ANKRD17: variants seen among roughly 807,000 people sequenced by gnomAD.
ANKRD17 encodes ankyrin repeat domain-containing protein 17.
ANKRD17 carries 19 observed loss-of-function variants against 229.7 expected under a neutral mutation model. The ratio of observed to expected loss-of-function variants is 0.08; its 90% CI spans 0.06 to 0.12. ANKRD17 has a LOEUF of 0.12. Ranked by LOEUF, ANKRD17 falls within the 10% of genes least tolerant of loss-of-function variation. ANKRD17 has a pLI of 1.00. For missense variants in ANKRD17, 2,176 were observed against 3,176.8 expected, an observed-to-expected ratio of 0.68 and a Z score of 7.57; for synonymous variants, 1,112 against 1,146.1, an observed-to-expected ratio of 0.97 and a Z score of 0.60.
intron 16 of ANKRD17, among the ~76,000 whole-genome samples, chr4:73,128,832 C>G (rs977919619): frequency 6.6e-6 from 1 of 152,010 alleles, no homozygotes; most frequent in Non-Finnish European, 1.5e-5. Flanking sequence ...ACTAACATGA[C>G]AGAAATATCA....
In ANKRD17 at chr4:73,098,416, T is replaced by G; in HGVS notation, c.4678A>C (p.Asn1560His). The G allele has an allele frequency of 6.2e-7, 1 of 1,614,166 alleles. No individual in the cohort carries two copies. The highest frequency in any genetic ancestry group is 8.5e-7 in the Non-Finnish European group (1 of 1,179,984). Residue 1560 changes from asparagine (N) to histidine (H), a missense_variant, in exon 26 of 34, where the codon AAT (asparagine) becomes CAT (histidine). Transcript: ENST00000358602. Reference sequence around the variant, plus strand: ...TTTGAACTGGTTGTAGTTATGGTATTATTTCTTTTACCATGAGAACCTGCC... The same window carrying G: ...TTTGAACTGGTTGTAGTTATGGTATGATTTCTTTTACCATGAGAACCTGCC... ...TLAGSHGKRN[N>H]TITTTSSKRK...
At position 73,258,392 on chromosome 4, in the gene ANKRD17, C is replaced by T. The variant is rs1166122430; in HGVS notation, c.277G>A (p.Asp93Asn). ...PSSSESSSDS[D>N]NSGGGGGGGG... Reference sequence around the variant, plus strand: ...CCGCCTCCACCGCCGCCGCTGTTGTCGCTGTCGCTGCTGCTTTCGCTGCTG... The same window carrying T: ...CCGCCTCCACCGCCGCCGCTGTTGTTGCTGTCGCTGCTGCTTTCGCTGCTG... Residue 93 changes from aspartate (D) to asparagine (N), a missense_variant, in exon 1 of 34, where the codon GAC (aspartate) becomes AAC (asparagine). Transcript: ENST00000358602. 1 of 1,610,440 alleles carries T rather than the reference C, an allele frequency of 6.2e-7. No individual in the cohort carries two copies. Among genetic ancestry groups the T allele is most frequent in the Non-Finnish European group, 8.5e-7 (1 of 1,179,302 alleles).
chr4:73,153,594 T>C (rs569588104), intron 6 of ANKRD17, among the ~76,000 whole-genome samples: 180 of 152,314 alleles, frequency 1.2e-3, no homozygotes, highest in Non-Finnish European at 2.1e-3. Flanking sequence ...AAGCAAAATC[T>C]TCCCAACATG....
chr4:73,156,082 G>A lies in ANKRD17; in HGVS notation c.789C>T (p.His263=), dbSNP rs140529074. The change falls in exon 4 of 34, where the codon CAC becomes CAT. Residue 263 remains histidine (H), a synonymous_variant. Coordinates refer to ENST00000358602, the MANE Select transcript of ANKRD17 (RefSeq NM_032217.5). ...AAAGGAGGCTCTCCCCTTCCTCTGT[G>A]TGTTCATTTACACTTCGCCCTTCAA... ...LLIEGRSVNE[H]TEEGESLLCL... 7.4e-6 allele frequency: 12 copies of A among 1,613,606 alleles called. No individual in the cohort carries two copies. The African/African-American group carries it at 1.3e-4, about 18-fold the overall frequency.
intron 8 of ANKRD17, among the ~76,000 whole-genome samples, chr4:73,147,689 A>G (rs1730467360): frequency 6.6e-6 from 1 of 152,114 alleles, no homozygotes; most frequent in Non-Finnish European, 1.5e-5. Flanking sequence ...CGGGTGATAA[A>G]AGAACTCAAA....
intron 28 of ANKRD17, among the ~76,000 whole-genome samples, 176 bp downstream of exon 28, chr4:73,093,903 G>A (rs1723037214): frequency 6.6e-6 from 1 of 152,090 alleles, no homozygotes; most frequent in South Asian, 2.1e-4. Flanking sequence ...TCACAAAAGT[G>A]TATTACCTAG....
At position 73,154,933 on chromosome 4, in the gene ANKRD17, T is replaced by TGGGAGGCTGAGGC. The variant is rs1445435800; in HGVS notation, c.1000+685_1000+697dup. ...GCAGGCGCCTGTAGTCCCAGCTACT[T>TGGGAGGCTGAGGC]GGGAGGCTGAGGCAGGAGAATGGCG... On this transcript the variant is annotated intron_variant, in intron 5 of 33. Coordinates refer to ENST00000358602, the MANE Select transcript of ANKRD17 (RefSeq NM_032217.5). Among the ~76,000 whole-genome samples, 6 of 150,200 alleles carry TGGGAGGCTGAGGC rather than the reference T, an allele frequency of 4.0e-5. No homozygotes were observed. In the East Asian group the frequency reaches 1.2e-3, roughly 30 times the overall value.
chr4:73,155,957 C>T, intron 4 of ANKRD17, 62 bp downstream of exon 4: 2 of 1,520,826 alleles, frequency 1.3e-6, no homozygotes, highest in Non-Finnish European at 1.8e-6. Context: ...TTTATTATTT[C>T]CTTAGTAAGC....
Position 73,120,288 on chromosome 4 carries a change from A to C in ANKRD17, c.3899T>G (p.Val1300Gly). The C allele has an allele frequency of 6.2e-7, 1 of 1,613,998 alleles. No individual in the cohort carries two copies. Among genetic ancestry groups the C allele is most frequent in the Non-Finnish European group, 8.5e-7 (1 of 1,179,972 alleles). The change falls in exon 21 of 34, where the codon GTG becomes GGG. Residue 1300 changes from valine (V) to glycine (G), a missense_variant. Val to Gly is a moderately radical substitution (Grantham distance 109). Transcript: ENST00000358602. ...MEAASGGYAEVGRVLLDKGAD... is the reference protein window; with the variant it reads ...MEAASGGYAEGGRVLLDKGAD... ...ACCTTTATCCAAAAGAACTCGGCCC[A>C]CCTCCGCATATCCACCAGAGGCAGC...
chr4:73,247,500 A>G (rs1744604891), intron 1 of ANKRD17, among the ~76,000 whole-genome samples: 1 of 152,076 alleles, frequency 6.6e-6, no homozygotes, highest in Non-Finnish European at 1.5e-5. Context: ...ATGAACATTT[A>G]TATTATGGAA....
In ANKRD17 at chr4:73,111,214, A is replaced by C. The variant is rs143351860; in HGVS notation, c.4401+2578T>G. ...TAATTTATAAATTAGGCACAATGAA[A>C]GATAAGCAACAATAGCAATAAAATA... On this transcript the variant is annotated intron_variant, in intron 24 of 33. Transcript: ENST00000358602. Among the ~76,000 whole-genome samples the C allele has an allele frequency of 5.8e-4, 89 of 152,324 alleles. 1 individual carries two copies. The highest frequency in any genetic ancestry group is 2.0e-3 in the African/African-American group (84 of 41,566).
chr4:73,139,076 G>C (rs892151393), intron 15 of ANKRD17, among the ~76,000 whole-genome samples: 3 of 151,676 alleles, frequency 2.0e-5, no homozygotes, highest in African/African-American at 7.3e-5. Context: ...CATCAGGTTT[G>C]AAGTCTGATC....
chr4:73,216,952 C>T (rs1741137340), intron 1 of ANKRD17, among the ~76,000 whole-genome samples: 1 of 152,132 alleles, frequency 6.6e-6, no homozygotes, highest in South Asian at 2.1e-4. Context: ...CTAAACCAAA[C>T]CAATGGTTAA....
intron 1 of ANKRD17, among the ~76,000 whole-genome samples, chr4:73,213,591 A>G (rs1173827765): frequency 6.6e-6 from 1 of 152,222 alleles, no homozygotes; most frequent in Non-Finnish European, 1.5e-5. Context: ...AGAAAGACAG[A>G]GATGTACAGA....
chr4:73,250,339 C>T (rs887744665), intron 1 of ANKRD17, among the ~76,000 whole-genome samples: 7 of 152,044 alleles, frequency 4.6e-5, no homozygotes, highest in Non-Finnish European at 7.4e-5. Flanking sequence ...CAGTAGCTCA[C>T]ATCTGCAAGC....
intron 1 of ANKRD17, among the ~76,000 whole-genome samples, chr4:73,229,556 C>A (rs534912742): frequency 1.3e-5 from 2 of 149,324 alleles, no homozygotes; most frequent in African/African-American, 2.5e-5. Flanking sequence ...AAATCCTTAT[C>A]AAAAAAAACA....
intron 1 of ANKRD17, among the ~76,000 whole-genome samples, chr4:73,256,937 A>T (rs577520082): frequency 3.3e-5 from 5 of 152,368 alleles, no homozygotes; most frequent in African/African-American, 1.2e-4. Flanking sequence ...GATAAAAGAG[A>T]ATCTGGTCTT....
At chr4:73,099,274 C>G in intron 25 of ANKRD17, 1 of 561,288 alleles carries the variant, frequency 1.8e-6, no homozygotes, top group South Asian at 1.8e-5. Flanking sequence ...CTGCCACCCC[C>G]ATCCTTCCAC....
intron 1 of ANKRD17, among the ~76,000 whole-genome samples, chr4:73,217,238 A>C (rs1394332417): frequency 1.3e-5 from 2 of 152,206 alleles, no homozygotes; most frequent in South Asian, 4.1e-4. Context: ...ATTGATTCAC[A>C]TACTTCTAGT....
Sources: gnomAD v4.1 joint callset for allele counts (sites outside exome capture counted in the v4.1 genomes callset) on GRCh38, gnomAD v4.1.1 for gene constraint, MANE v1.5 for transcripts, NCBI Gene and HGNC (gene_info 2026-07-23, HGNC 2026-07-21) for gene names.